APP: variants seen among roughly 807,000 people sequenced by gnomAD.
APP encodes the protein amyloid beta precursor protein, also known as amyloid-beta precursor protein.
Under a neutral mutation model 101.4 loss-of-function variants are expected in APP, and 31 were observed. That is an observed-to-expected ratio of 0.31 (90% confidence interval 0.23 to 0.41). The LOEUF (loss-of-function observed/expected upper bound fraction) is 0.41. APP is among the 10% of genes least tolerant of loss of function. The pLI is 1.00. For synonymous variants in APP, 366 were observed against 364.4 expected (o/e 1.00, Z -0.05); for missense variants, 839 against 1,003.7 (o/e 0.84, Z 2.22).
At chr21:26,005,168 C>T (rs1269297128) in intron 6 of APP, among the ~76,000 whole-genome samples, 2 of 152,092 alleles carry the variant, frequency 1.3e-5, no homozygotes, top group Non-Finnish European at 2.9e-5. Context: ...AATCCCAGCA[C>T]TTTGGGAGGC....
intron 3 of APP, among the ~76,000 whole-genome samples, chr21:26,059,325 T>A (rs1317789377): frequency 4.6e-5 from 7 of 152,214 alleles, no homozygotes; most frequent in African/African-American, 1.7e-4. Context: ...TCTTTGGACT[T>A]CTGCCCGAGG....
At chr21:25,937,684 GAAACAGCAAATC>G (rs1318962202) in intron 13 of APP, 2 of 152,198 alleles carry the variant, frequency 1.3e-5, no homozygotes, top group East Asian at 3.8e-4. Flanking sequence ...CACAATTTCT[GAAACAGCAAATC>G]AAACAGCAAA....
chr21:25,961,465 T>C (rs1225915418), intron 11 of APP, among the ~76,000 whole-genome samples: 2 of 152,236 alleles, frequency 1.3e-5, no homozygotes, highest in Non-Finnish European at 2.9e-5. Flanking sequence ...CCTATACTTT[T>C]ATATTTTTGT....
At chr21:26,062,788 A>G (rs2046324132) in intron 3 of APP, among the ~76,000 whole-genome samples, 1 of 151,916 alleles carries the variant, frequency 6.6e-6, no homozygotes, top group Admixed American at 6.6e-5. Flanking sequence ...TTTAAGAAAG[A>G]GTCTTACTCT....
intron 6 of APP, among the ~76,000 whole-genome samples, chr21:26,006,403 ATAC>A (rs1347203928): frequency 6.6e-6 from 1 of 152,244 alleles, no homozygotes; most frequent in Non-Finnish European, 1.5e-5. Flanking sequence ...ATGCTGGTGT[ATAC>A]GAAACACAAA....
chr21:25,984,254 G>A (rs898763115), intron 8 of APP, among the ~76,000 whole-genome samples: 1 of 151,910 alleles, frequency 6.6e-6, no homozygotes, highest in African/African-American at 2.4e-5. Context: ...AAAAGGACAA[G>A]TTTTAAAATT....
intron 15 of APP, among the ~76,000 whole-genome samples, chr21:25,898,185 CGTT>C (rs943019779): frequency 1.2e-3 from 178 of 152,210 alleles, no homozygotes; most frequent in Non-Finnish European, 1.5e-3. Flanking sequence ...TGCAGTGAAG[CGTT>C]GTAAAAATTA....
intron 1 of APP, among the ~76,000 whole-genome samples, chr21:26,123,382 T>C (rs2062615521): frequency 6.6e-6 from 1 of 152,252 alleles, no homozygotes; most frequent in African/African-American, 2.4e-5. Flanking sequence ...AACAGCATTC[T>C]TGTTCATTGT....
intron 1 of APP, among the ~76,000 whole-genome samples, chr21:26,147,014 C>T (rs1483565694): frequency 6.6e-6 from 1 of 152,152 alleles, no homozygotes; most frequent in Non-Finnish European, 1.5e-5. Context: ...CCAATATATG[C>T]ACAACTTTAT....
At chr21:26,009,668 C>CAA (rs1196066341) in intron 6 of APP, 1 of 150,638 alleles carries the variant, frequency 6.6e-6, no homozygotes, top group Non-Finnish European at 1.5e-5. Context: ...CGGCTTACTG[C>CAA]AACCTCCGTC....
At position 25,961,904 on chromosome 21, in the gene APP, A is replaced by T. The variant is rs575889384; in HGVS notation, c.1459-6149T>A. On this transcript the variant is annotated intron_variant, in intron 11 of 17. Transcript: ENST00000346798. ...TATTGATAAAGAGAGTTTAAGAAACATTTTTTTTTTTTAACCTGCAGGCAT... is the reference window on the plus strand; with the variant it reads ...TATTGATAAAGAGAGTTTAAGAAACTTTTTTTTTTTTTAACCTGCAGGCAT... 1.4e-4 allele frequency among the ~76,000 whole-genome samples: 21 copies of T among 147,698 alleles called. No individual in the cohort carries two copies. The South Asian group carries it at 4.3e-3, about 30-fold the overall frequency.
intron 3 of APP, among the ~76,000 whole-genome samples, chr21:26,073,023 G>A (rs913270234): frequency 6.6e-6 from 1 of 152,058 alleles, no homozygotes; most frequent in South Asian, 2.1e-4. Flanking sequence ...TGGAGCACCC[G>A]CAGAAAGAGA....
At position 25,991,322 on chromosome 21, in the gene APP, T is replaced by A. The variant is rs563052678; in HGVS notation, c.1090+6038A>T. Among the ~76,000 whole-genome samples the A allele has an allele frequency of 3.9e-5, 6 of 151,946 alleles. No individual in the cohort carries two copies. The South Asian group carries it at 8.3e-4, about 21-fold the overall frequency. On this transcript the variant is annotated intron_variant, in intron 8 of 17. Coordinates refer to ENST00000346798, the MANE Select transcript of APP (RefSeq NM_000484.4). ...ATCCCCAAAGCTATTGGAAAAAAAA[T>A]AAAAATAAAAATAAAAAAACCTGCT... is the stretch of plus-strand genomic sequence containing the variant.
At chr21:26,144,458 T>G (rs537189241) in intron 1 of APP, among the ~76,000 whole-genome samples, 40 of 152,336 alleles carry the variant, frequency 2.6e-4, no homozygotes, top group Middle Eastern at 3.4e-3. Context: ...AGCCTATTAC[T>G]GCACAAACAT....
At chr21:26,014,281 C>T (rs185856481) in intron 6 of APP, among the ~76,000 whole-genome samples, 6 of 152,076 alleles carry the variant, frequency 3.9e-5, no homozygotes, top group South Asian at 2.1e-4. Flanking sequence ...GTAAAAATCC[C>T]GTTAGTGAAT....
At chr21:25,987,382 T>C (rs1241318896) in intron 8 of APP, among the ~76,000 whole-genome samples, 1 of 152,208 alleles carries the variant, frequency 6.6e-6, no homozygotes, top group Non-Finnish European at 1.5e-5. Flanking sequence ...TATCCTTAGC[T>C]CTAGGTTTTG....
intron 1 of APP, among the ~76,000 whole-genome samples, chr21:26,169,957 G>C (rs61173854): frequency 0.037 from 5,611 of 152,288 alleles, 341 homozygotes; most frequent in African/African-American, 0.13. Context: ...GCTCGGGCTA[G>C]GGTCGCACCC....
intron 3 of APP, among the ~76,000 whole-genome samples, chr21:26,072,553 T>C (rs2061427106): frequency 6.6e-6 from 1 of 152,222 alleles, no homozygotes; most frequent in African/African-American, 2.4e-5. Flanking sequence ...ATCTTTAAAT[T>C]GTTAAAAATG....
chr21:25,957,412 T>C (rs2041369634), intron 11 of APP, among the ~76,000 whole-genome samples: 2 of 152,176 alleles, frequency 1.3e-5, no homozygotes, highest in Non-Finnish European at 2.9e-5. Context: ...CTCTTGTTGA[T>C]TGTGAAGGAT....
Sources: allele counts gnomAD v4.1 joint callset (sites outside exome capture counted in the v4.1 genomes callset), GRCh38; gene constraint gnomAD v4.1.1; transcripts MANE v1.5; gene names NCBI Gene and HGNC (gene_info 2026-07-23, HGNC 2026-07-21).